The following SEM1 variants were observed in gnomAD, a reference collection of about 807,000 sequenced individuals.
SEM1 encodes SEM1 26S proteasome subunit.
Under a neutral mutation model 12.7 loss-of-function variants are expected in SEM1, and 3 were observed. That is an observed-to-expected ratio of 0.24 (90% CI 0.11 to 0.61). SEM1 has a LOEUF of 0.61. Ranked by LOEUF, SEM1 falls within the 20% of genes least tolerant of loss-of-function variation. The pLI, the probability that SEM1 is intolerant of heterozygous loss-of-function variation, is 0.88. For missense variants in SEM1, 59 were observed against 81.3 expected, an observed-to-expected ratio of 0.73 and a Z score of 1.06; for synonymous variants, 30 against 27.8, an observed-to-expected ratio of 1.08 and a Z score of -0.25.
intron 2 of SEM1, among the ~76,000 whole-genome samples, chr7:96,661,782 G>C (rs1226249883): frequency 6.6e-6 from 1 of 152,104 alleles, no homozygotes; most frequent in African/African-American, 2.4e-5. Context: ...GAGGTCGGGA[G>C]TTCAAGACTA....
chr7:96,601,789 A>G (rs1291116444), intron 2 of SEM1, among the ~76,000 whole-genome samples: 1 of 151,038 alleles, frequency 6.6e-6, no homozygotes, highest in Admixed American at 6.6e-5. Flanking sequence ...ATAAGGATAG[A>G]CTCAGGAAGA....
chr7:96,498,726 C>G (rs1460672917), upstream of SEM1, among the ~76,000 whole-genome samples: 3 of 152,168 alleles, frequency 2.0e-5, no homozygotes, highest in Non-Finnish European at 4.4e-5. Context: ...TGTGTTACCA[C>G]ATTTAATTCT....
intron 2 of SEM1, among the ~76,000 whole-genome samples, chr7:96,508,409 A>T (rs780665365): frequency 1.3e-5 from 2 of 152,136 alleles, no homozygotes; most frequent in Non-Finnish European, 2.9e-5. Context: ...GTGGCAGGGC[A>T]GGGCAGGAAG....
upstream of SEM1, among the ~76,000 whole-genome samples, chr7:96,497,451 C>T (rs186395318): frequency 1.1e-4 from 17 of 152,218 alleles, no homozygotes; most frequent in East Asian, 3.3e-3. Context: ...TAAAATGGTA[C>T]ATGCTTAAAT....
At chr7:96,578,412 G>A (rs1001431621) in intron 2 of SEM1, among the ~76,000 whole-genome samples, 5 of 152,102 alleles carry the variant, frequency 3.3e-5, no homozygotes, top group African/African-American at 1.2e-4. Flanking sequence ...CAATTTGATT[G>A]AGACCATCAG....
chr7:96,695,831 T>C (rs1367169269), intron 1 of SEM1: 3 of 151,860 alleles, frequency 2.0e-5, no homozygotes, highest in South Asian at 2.1e-4. Flanking sequence ...TCCATCTGCA[T>C]TGGTCCCTAA....
intron 2 of SEM1, among the ~76,000 whole-genome samples, chr7:96,552,297 C>T (rs999254183): frequency 3.3e-5 from 5 of 152,200 alleles, no homozygotes; most frequent in South Asian, 2.1e-4. Flanking sequence ...CCCACTAACT[C>T]GTCATCTAGC....
rs73708369 is a variant in SEM1 at position 96,606,113 on chromosome 7, G to A, written c.170+88685C>T. ...TTATACTTGTTCTATTTTATTATTA[G>A]TTATTGTTGTTAATCTCTTACTATG... is the stretch of plus-strand genomic sequence containing the variant. On this transcript the variant is annotated intron_variant and NMD_transcript_variant, in intron 2 of 3. Coordinates refer to the SEM1 transcript ENST00000466986. Among the ~76,000 whole-genome samples the A allele has an allele frequency of 3.6e-3, 541 of 151,826 alleles. 6 individuals are homozygous for A. The highest frequency in any genetic ancestry group is 0.012 in the African/African-American group (494 of 41,522).
At chr7:96,658,183 T>C (rs1296602223) in intron 2 of SEM1, among the ~76,000 whole-genome samples, 1 of 152,126 alleles carries the variant, frequency 6.6e-6, no homozygotes, top group African/African-American at 2.4e-5. Flanking sequence ...CTCTCCAGGC[T>C]GCAGGGCCCA....
chr7:96,504,569 T>A (rs914212928), intron 3 of SEM1, among the ~76,000 whole-genome samples: 15 of 152,096 alleles, frequency 9.9e-5, no homozygotes, highest in African/African-American at 3.6e-4. Flanking sequence ...CTTTCCTTAT[T>A]ATCTTGAATC....
At chr7:96,568,260 C>T (rs770012338) in intron 2 of SEM1, among the ~76,000 whole-genome samples, 12 of 151,718 alleles carry the variant, frequency 7.9e-5, no homozygotes, top group Admixed American at 2.6e-4. Context: ...TTTTTAAAAT[C>T]CATATGCATG....
Position 96,644,154 on chromosome 7 carries a change from G to A in SEM1, c.171-21511C>T, listed in dbSNP as rs143468984. ...TTTGCTCCTCTAAATGACGTGGAAG[G>A]ATGAAAGGCAGTTTAGACATGCTCA... On this transcript the variant is annotated intron_variant, in intron 2 of 2. Transcript: ENST00000417009. Among the ~76,000 whole-genome samples the A allele has an allele frequency of 5.9e-5, 9 of 152,210 alleles. No homozygotes were observed. The East Asian group carries it at 1.5e-3, about 26-fold the overall frequency.
chr7:96,506,761 G>C (rs968104451), intron 2 of SEM1: 25 of 152,046 alleles, frequency 1.6e-4, no homozygotes, highest in Non-Finnish European at 3.5e-4. Context: ...TGCAAGTATT[G>C]AGAAGTGGTA....
At chr7:96,508,895 T>C (rs982281566) in intron 2 of SEM1, among the ~76,000 whole-genome samples, 2 of 152,160 alleles carry the variant, frequency 1.3e-5, no homozygotes, top group African/African-American at 2.4e-5. Context: ...ACGTCTTTAC[T>C]TGATAACTCT....
At chr7:96,501,504 C>T (rs571314844) in intron 3 of SEM1, among the ~76,000 whole-genome samples, 2 of 152,098 alleles carry the variant, frequency 1.3e-5, no homozygotes, top group Non-Finnish European at 2.9e-5. Flanking sequence ...AAGATTGTTC[C>T]ACAAAGTTAT....
chr7:96,625,210 CAG>C (rs1160830279), intron 2 of SEM1, among the ~76,000 whole-genome samples: 1 of 152,192 alleles, frequency 6.6e-6, no homozygotes, highest in Non-Finnish European at 1.5e-5. Context: ...TCCCACACCT[CAG>C]GGTGCCAGCG....
chr7:96,663,077 A>G (rs1789061546), intron 2 of SEM1, among the ~76,000 whole-genome samples: 1 of 152,002 alleles, frequency 6.6e-6, no homozygotes, highest in African/African-American at 2.4e-5. Flanking sequence ...GAAAGACTCT[A>G]TTAGAGATAC....
At chr7:96,514,936 GACCCAGGATACACAACACAAT>G (rs1366533951) in intron 2 of SEM1, among the ~76,000 whole-genome samples, 1 of 151,950 alleles carries the variant, frequency 6.6e-6, no homozygotes, top group Non-Finnish European at 1.5e-5. Flanking sequence ...AAGGCAAAAA[GACCCAGGATACACAACACAAT>G]ATTGACGGAG....
chr7:96,573,011 G>T (rs1297601452), intron 2 of SEM1, among the ~76,000 whole-genome samples: 2 of 151,902 alleles, frequency 1.3e-5, no homozygotes, highest in Non-Finnish European at 2.9e-5. Context: ...TCTTCTTGTT[G>T]CATTGATCCC....
Sources: allele counts gnomAD v4.1 joint callset (sites outside exome capture counted in the v4.1 genomes callset), GRCh38; gene constraint gnomAD v4.1.1; transcripts MANE v1.5; gene names NCBI Gene and HGNC (gene_info 2026-07-23, HGNC 2026-07-21).